The following FUT9 variants were observed in gnomAD, a reference collection of about 807,000 sequenced individuals.
FUT9 encodes fucosyltransferase 9, also known as 4-galactosyl-N-acetylglucosaminide 3-alpha-L-fucosyltransferase 9.
In FUT9, 15 loss-of-function variants were observed where a neutral mutation model predicts 29.7. That is an observed-to-expected ratio of 0.51 (90% CI 0.34 to 0.78). FUT9 has a LOEUF of 0.78. FUT9 is among the 30% of genes least tolerant of loss of function. The pLI is 0.01. For synonymous variants in FUT9, 169 were observed against 153.7 expected, an observed-to-expected ratio of 1.10 and a Z score of -0.74; for missense variants, 319 against 425.4, an observed-to-expected ratio of 0.75 and a Z score of 2.20.
intron 1 of FUT9, among the ~76,000 whole-genome samples, chr6:96,046,596 A>G (rs1218873615): frequency 6.6e-6 from 1 of 152,150 alleles, no homozygotes; most frequent in Non-Finnish European, 1.5e-5. Context: ...TCTATGGACA[A>G]TGATTTTCTT....
chr6:96,021,786 A>G (rs1770074006), intron 1 of FUT9, among the ~76,000 whole-genome samples: 1 of 152,062 alleles, frequency 6.6e-6, no homozygotes, highest in Admixed American at 6.6e-5. Context: ...CACGGACTGG[A>G]CAATTACTTT....
chr6:96,059,470 T>A (rs1303187767), intron 1 of FUT9, among the ~76,000 whole-genome samples: 2 of 152,366 alleles, frequency 1.3e-5, no homozygotes, highest in Middle Eastern at 6.8e-3. Flanking sequence ...ACCATGTGTA[T>A]GTGGCAGAAG....
At chr6:96,115,063 G>A (rs1409990746) in intron 2 of FUT9, among the ~76,000 whole-genome samples, 2 of 152,192 alleles carry the variant, frequency 1.3e-5, no homozygotes, top group African/African-American at 4.8e-5. Flanking sequence ...ATTGCAGGTG[G>A]TGGTGGATAG....
At chr6:96,036,512 T>C (rs1371538682) in intron 1 of FUT9, 1 of 151,920 alleles carries the variant, frequency 6.6e-6, no homozygotes, top group Non-Finnish European at 1.5e-5. Flanking sequence ...TTAAACTAAC[T>C]TTTTGGGTTT....
At chr6:96,089,503 T>C (rs1771375577) in intron 1 of FUT9, among the ~76,000 whole-genome samples, 1 of 152,238 alleles carries the variant, frequency 6.6e-6, no homozygotes, top group Admixed American at 6.5e-5. Flanking sequence ...TGTTGTTTGA[T>C]GTATTTGCTT....
intron 2 of FUT9, among the ~76,000 whole-genome samples, chr6:96,153,702 C>A (rs1429029058): frequency 6.6e-6 from 1 of 152,156 alleles, no homozygotes; most frequent in Non-Finnish European, 1.5e-5. Flanking sequence ...ATACTACCAA[C>A]CTCCTGAGAT....
chr6:96,164,173 A>G (rs2127980904), intron 2 of FUT9, among the ~76,000 whole-genome samples: 1 of 150,724 alleles, frequency 6.6e-6, no homozygotes, highest in South Asian at 2.1e-4. Context: ...TAGCAATTGG[A>G]TGAAAGAGTT....
At chr6:96,168,930 C>G (rs1305304086) in intron 2 of FUT9, among the ~76,000 whole-genome samples, 4 of 149,382 alleles carry the variant, frequency 2.7e-5, no homozygotes, top group South Asian at 4.1e-4. Flanking sequence ...TAAAGCTTAT[C>G]CTACCTATCG....
chr6:96,078,405 C>CTGATT (rs1201729276), intron 1 of FUT9, among the ~76,000 whole-genome samples: 1,059 of 45,128 alleles, frequency 0.023, 41 homozygotes, highest in South Asian at 0.065. Flanking sequence ...TCATATTAGT[C>CTGATT]TTCTTTTTTT....
At chr6:96,082,969 G>A (rs188599917) in intron 1 of FUT9, among the ~76,000 whole-genome samples, 30 of 152,066 alleles carry the variant, frequency 2.0e-4, no homozygotes, top group African/African-American at 7.2e-4. Flanking sequence ...ATTTAGAAAT[G>A]AGAGTTCTTC....
chr6:96,042,837 G>C (rs1770488143), intron 1 of FUT9, among the ~76,000 whole-genome samples: 1 of 152,104 alleles, frequency 6.6e-6, no homozygotes, highest in African/African-American at 2.4e-5. Flanking sequence ...AAGAAAATTA[G>C]AGTTTAGAGC....
intron 2 of FUT9, among the ~76,000 whole-genome samples, chr6:96,161,323 T>C (rs1434670731): frequency 2.0e-5 from 3 of 152,124 alleles, no homozygotes; most frequent in African/African-American, 7.2e-5. Context: ...CCGATACAGT[T>C]AGAAGATGTC....
chr6:96,110,583 G>A (rs1268842534), intron 1 of FUT9, among the ~76,000 whole-genome samples: 1 of 152,106 alleles, frequency 6.6e-6, no homozygotes, highest in Non-Finnish European at 1.5e-5. Flanking sequence ...AAACAAGAGC[G>A]GTGGCAGCCA....
At chr6:96,169,445 C>G (rs1773072332) in intron 2 of FUT9, among the ~76,000 whole-genome samples, 1 of 152,140 alleles carries the variant, frequency 6.6e-6, no homozygotes. Context: ...TTAAATGAAA[C>G]AATCATAATT....
At chr6:96,122,776 G>T (rs1772053036) in intron 2 of FUT9, among the ~76,000 whole-genome samples, 1 of 152,098 alleles carries the variant, frequency 6.6e-6, no homozygotes, top group South Asian at 2.1e-4. Flanking sequence ...GCCGGGTACG[G>T]TGGCTCACGC....
chr6:96,149,349 A>G (rs1279619523), intron 2 of FUT9, among the ~76,000 whole-genome samples: 1 of 152,138 alleles, frequency 6.6e-6, no homozygotes, highest in Non-Finnish European at 1.5e-5. Flanking sequence ...ACAAAAAAAA[A>G]AGTCTCTATT....
At chr6:96,177,770 ACAAT>A (rs1435508394) in intron 2 of FUT9, among the ~76,000 whole-genome samples, 1 of 152,188 alleles carries the variant, frequency 6.6e-6, no homozygotes, top group East Asian at 1.9e-4. Flanking sequence ...AATTCTCAAA[ACAAT>A]CCTATAAGGT....
intron 1 of FUT9, among the ~76,000 whole-genome samples, chr6:96,080,500 T>C (rs1243015060): frequency 6.6e-6 from 1 of 151,982 alleles, no homozygotes; most frequent in Non-Finnish European, 1.5e-5. Context: ...CTCTGCCTAT[T>C]TCAAAACTGA....
intron 1 of FUT9, among the ~76,000 whole-genome samples, chr6:96,035,843 A>C (rs1294059123): frequency 1.5e-5 from 2 of 130,012 alleles, no homozygotes; most frequent in East Asian, 4.1e-4. Context: ...ATATTAATAT[A>C]ATATATTATG....
Sources: gnomAD v4.1 joint callset for allele counts (sites outside exome capture counted in the v4.1 genomes callset) on GRCh38, gnomAD v4.1.1 for gene constraint, MANE v1.5 for transcripts, NCBI Gene and HGNC (gene_info 2026-07-23, HGNC 2026-07-21) for gene names.